The following STK17A variants were observed in gnomAD, a reference collection of about 807,000 sequenced individuals.
STK17A encodes serine/threonine-protein kinase 17A.
A neutral mutation model predicts 43.7 loss-of-function variants in STK17A; 26 were observed. The ratio of observed to expected loss-of-function variants is 0.60; its 90% CI spans 0.44 to 0.83. STK17A has a LOEUF of 0.83. Ranked by LOEUF, STK17A falls within the 40% of genes least tolerant of loss-of-function variation. STK17A has a pLI of 0.00. For synonymous variants in STK17A, 191 were observed against 182.5 expected, an observed-to-expected ratio of 1.05 and a Z score of -0.38; for missense variants, 476 against 511.6, an observed-to-expected ratio of 0.93 and a Z score of 0.67.
chr7:43,621,381 G>A (rs1053645372), intron 4 of STK17A, among the ~76,000 whole-genome samples: 2 of 152,216 alleles, frequency 1.3e-5, no homozygotes, highest in Admixed American at 1.3e-4. Flanking sequence ...ACCATTGTAA[G>A]CTCAAATACA....
chr7:43,625,172 G>A lies in STK17A; in HGVS notation c.*330G>A, dbSNP rs1301549175. The A allele has an allele frequency of 1.5e-5, 3 of 200,180 alleles. No individual in the cohort carries two copies. The South Asian group carries it at 3.5e-4, about 23-fold the overall frequency. 12.4% of individuals were successfully genotyped at this position (200,180 alleles called of 1,614,324 possible). A position where few individuals can be genotyped will look rare whatever the true frequency, so the allele number is the denominator to read the frequency against. On this transcript the variant is annotated 3_prime_UTR_variant, in exon 7 of 7. Transcript: ENST00000319357. ...CTTTCTTTAAAAAATCCAAGTAAAA[G>A]TGCCAAAACTACACTTCTGTAAATC... is the stretch of plus-strand genomic sequence containing the variant.
At chr7:43,597,642 C>T (rs1200453597) in intron 2 of STK17A, among the ~76,000 whole-genome samples, 3 of 152,188 alleles carry the variant, frequency 2.0e-5, no homozygotes, top group Non-Finnish European at 4.4e-5. Flanking sequence ...ACCTCGGCCT[C>T]CCAAAGTGCT....
intron 2 of STK17A, among the ~76,000 whole-genome samples, chr7:43,605,121 T>C (rs1359857182): frequency 2.0e-5 from 3 of 152,222 alleles, no homozygotes; most frequent in Non-Finnish European, 4.4e-5. Flanking sequence ...TTTAAGGTCC[T>C]TATCTGCCAA....
At chr7:43,605,447 A>C (rs1249736787) in intron 2 of STK17A, among the ~76,000 whole-genome samples, 1 of 152,160 alleles carries the variant, frequency 6.6e-6, no homozygotes, top group Non-Finnish European at 1.5e-5. Flanking sequence ...AGCTTGACAA[A>C]ATTTAAATGT....
Position 43,626,289 on chromosome 7 carries a change from T to C in STK17A, c.*1447T>C, listed in dbSNP as rs149863507. ...AGCACCTAACCACTATTTTAAAGTA[T>C]GTACAGTAAATACCCAAATGTGTGT... On this transcript the variant is annotated 3_prime_UTR_variant, in exon 7 of 7. Transcript: ENST00000319357. 6.6e-6 allele frequency: 1 copy of C among 152,344 alleles called. No individual in the cohort carries two copies. The highest frequency in any genetic ancestry group is 1.9e-4 in the East Asian group (1 of 5,188). 9.4% of individuals were successfully genotyped at this position (152,344 alleles called of 1,614,324 possible).
intron 1 of STK17A, among the ~76,000 whole-genome samples, chr7:43,590,199 G>A (rs553263010): frequency 2.6e-5 from 4 of 151,224 alleles, no homozygotes; most frequent in African/African-American, 4.8e-5. Flanking sequence ...GCCTACCTCA[G>A]CCTCCGAAAG....
chr7:43,618,172 G>A (rs1006765247), intron 3 of STK17A, among the ~76,000 whole-genome samples: 1 of 152,214 alleles, frequency 6.6e-6, no homozygotes, highest in African/African-American at 2.4e-5. Flanking sequence ...AATAGAGTAA[G>A]CATGCTGTGT....
At chr7:43,610,904 G>T (rs546646764) in intron 3 of STK17A, among the ~76,000 whole-genome samples, 1 of 152,228 alleles carries the variant, frequency 6.6e-6, no homozygotes, top group African/African-American at 2.4e-5. Context: ...ATCGCTTGAG[G>T]TCAGGAGTTT....
intron 3 of STK17A, 115 bp from the exon 4 acceptor site, chr7:43,619,482 T>G (rs1371243231): frequency 7.7e-6 from 10 of 1,294,668 alleles, no homozygotes; most frequent in East Asian, 2.3e-5. Flanking sequence ...AAATGACTGT[T>G]TACTGTTAAA....
intron 2 of STK17A, among the ~76,000 whole-genome samples, chr7:43,604,692 G>A (rs1037288665): frequency 2.0e-5 from 3 of 152,074 alleles, no homozygotes; most frequent in Admixed American, 1.3e-4. Flanking sequence ...GGAGTTCATT[G>A]AGCTACTTAA....
chr7:43,606,916 C>CTTTTTTTTT lies in STK17A; in HGVS notation c.420-1324_420-1316dup, dbSNP rs71011933. The stretch of plus-strand genomic sequence containing the variant: ...TCACTCAATCTAGCTTTTCGATTTT[C>CTTTTTTTTT]TTTTTTTTTTTTTTTTTTTTTTTTG... On this transcript the variant is annotated intron_variant, in intron 2 of 6. Coordinates refer to ENST00000319357, the MANE Select transcript of STK17A (RefSeq NM_004760.3). Among the ~76,000 whole-genome samples, 107 of 62,622 alleles carry CTTTTTTTTT rather than the reference C, an allele frequency of 1.7e-3. 4 individuals carry two copies. Among genetic ancestry groups the CTTTTTTTTT allele is most frequent in the South Asian group, 3.2e-3 (5 of 1,546 alleles). 41.1% of individuals were successfully genotyped at this position (62,622 alleles called of 152,430 possible). A position where few individuals can be genotyped will look rare whatever the true frequency, so the allele number is the denominator to read the frequency against.
chr7:43,597,301 A>G (rs1583551134), intron 2 of STK17A, among the ~76,000 whole-genome samples: 2 of 144,636 alleles, frequency 1.4e-5, no homozygotes, highest in Non-Finnish European at 3.1e-5. Flanking sequence ...TCTTGAAAAT[A>G]TAATTATGGA....
chr7:43,601,096 G>C (rs1284896955), intron 2 of STK17A, among the ~76,000 whole-genome samples: 1 of 152,154 alleles, frequency 6.6e-6, no homozygotes, highest in East Asian at 1.9e-4. Flanking sequence ...TATTGTCAAA[G>C]ATTTAAAATA....
At chr7:43,618,452 C>T (rs574975468) in intron 3 of STK17A, among the ~76,000 whole-genome samples, 7 of 152,164 alleles carry the variant, frequency 4.6e-5, no homozygotes, top group South Asian at 4.2e-4. Context: ...CCTTTGGAGC[C>T]GTGACAGATT....
At chr7:43,610,987 G>A (rs2082821736) in intron 3 of STK17A, among the ~76,000 whole-genome samples, 1 of 151,850 alleles carries the variant, frequency 6.6e-6, no homozygotes, top group Non-Finnish European at 1.5e-5. Flanking sequence ...TGTGGTGGCA[G>A]GCACCTGTAA....
intron 2 of STK17A, among the ~76,000 whole-genome samples, chr7:43,603,976 C>T (rs1352071010): frequency 2.0e-5 from 3 of 152,132 alleles, no homozygotes; most frequent in Non-Finnish European, 4.4e-5. Context: ...CCAAATGCTT[C>T]TGGTCCCAAA....
At chr7:43,598,469 C>CAAAA (rs61683967) in intron 2 of STK17A, among the ~76,000 whole-genome samples, 1 of 80,416 alleles carries the variant, frequency 1.2e-5, no homozygotes. Context: ...GACTCCGTCT[C>CAAAA]AAAAAAAAAA....
At chr7:43,620,076 T>C (rs2083717631) in intron 4 of STK17A, among the ~76,000 whole-genome samples, 2 of 152,280 alleles carry the variant, frequency 1.3e-5, no homozygotes, top group African/African-American at 4.8e-5. Flanking sequence ...ATAACAAACA[T>C]TGACAAAGGA....
intron 6 of STK17A, 24 bp from the exon 7 acceptor site, chr7:43,624,494 A>G: frequency 6.4e-7 from 1 of 1,573,028 alleles, no homozygotes; most frequent in African/African-American, 1.4e-5. Flanking sequence ...ACATGTCTTA[A>G]CTGTAAAACA....
Sources: allele counts gnomAD v4.1 joint callset (sites outside exome capture counted in the v4.1 genomes callset), GRCh38; gene constraint gnomAD v4.1.1; transcripts MANE v1.5; gene names NCBI Gene and HGNC (gene_info 2026-07-23, HGNC 2026-07-21).